The following NBAS variants were observed in gnomAD, a reference collection of about 807,000 sequenced individuals.
NBAS encodes NAG/BC035112 fusion.
NBAS carries 219 observed loss-of-function variants against 302.5 expected under a neutral mutation model. That is an observed-to-expected ratio of 0.72 (90% CI 0.65 to 0.81). The LOEUF (loss-of-function observed/expected upper bound fraction) is 0.81, where lower values mean the gene tolerates loss of function less well. Among genes scored for constraint, NBAS ranks in the 30% least tolerant of loss-of-function variants. The probability of loss-of-function intolerance (pLI) is 0.00; values close to 1 mark genes in which losing one functional copy is unlikely to be tolerated. For missense variants in NBAS, 2,932 were observed against 2,841.6 expected, an observed-to-expected ratio of 1.03 and a Z score of -0.72; for synonymous variants, 1,118 against 1,021.6, an observed-to-expected ratio of 1.09 and a Z score of -1.80.
chr2:15,075,205 G>A, the NBAS span, among the ~76,000 whole-genome samples: 1 of 152,130 alleles, frequency 6.6e-6, no homozygotes. Context: ...TGAATACTAT[G>A]GAGTATTCTT....
intron 21 of NBAS, among the ~76,000 whole-genome samples, chr2:15,434,410 A>C (rs961442577): frequency 5.3e-5 from 8 of 152,194 alleles, no homozygotes; most frequent in Non-Finnish European, 7.3e-5. Context: ...AGAACAATGA[A>C]GGATGCCTAT....
At chr2:15,173,704 C>T (rs960995019) in intron 51 of NBAS, among the ~76,000 whole-genome samples, 6 of 152,172 alleles carry the variant, frequency 3.9e-5, no homozygotes, top group African/African-American at 7.2e-5. Context: ...CATCTGCTCA[C>T]GATCTCACAA....
chr2:15,421,792 T>G (rs541818389), intron 23 of NBAS, among the ~76,000 whole-genome samples: 2 of 152,198 alleles, frequency 1.3e-5, no homozygotes, highest in Non-Finnish European at 2.9e-5. Flanking sequence ...AATTAAAGTT[T>G]CAGAAAGCTC....
At chr2:15,277,868 A>G (rs576074104) in intron 42 of NBAS, among the ~76,000 whole-genome samples, 1 of 152,250 alleles carries the variant, frequency 6.6e-6, no homozygotes, top group Non-Finnish European at 1.5e-5. Context: ...TTCTCCCTGG[A>G]CAGAATCTGG....
rs756200764 is a variant in NBAS, at chr2:15,402,240, T to C, written c.2999A>G (p.Tyr1000Cys). The change falls in exon 26 of 52, where the codon TAT (tyrosine) becomes TGT (cysteine). Residue 1000 changes from tyrosine (Y) to cysteine (C), a missense_variant. Tyr to Cys is a radical substitution (Grantham distance 194). Transcript: ENST00000281513. ...GAGTTGATCATTTCGTTCACAGGTA[T>C]AGATGCACTCTAGTGCTATTGCCAT... is the stretch of plus-strand genomic sequence containing the variant. ...QLMAIALECI[Y>C]TCERNDQLCL... The C allele has an allele frequency of 1.2e-5, 19 of 1,613,506 alleles. No individual in the cohort carries two copies. In the Admixed American group the frequency reaches 1.3e-4, roughly 11 times the overall value.
At chr2:15,209,755 G>A (rs1290142655) in intron 48 of NBAS, among the ~76,000 whole-genome samples, 1 of 152,030 alleles carries the variant, frequency 6.6e-6, no homozygotes, top group African/African-American at 2.4e-5. Context: ...AAAATAGCAG[G>A]GTAGTAGTAT....
the NBAS span, among the ~76,000 whole-genome samples, chr2:15,075,118 A>T: frequency 1.3e-5 from 2 of 152,238 alleles, no homozygotes; most frequent in Non-Finnish European, 2.9e-5. Context: ...AAATGTTCAT[A>T]GTGCCTTTTT....
chr2:15,477,138 G>C (rs1334121939), intron 13 of NBAS, among the ~76,000 whole-genome samples: 1 of 152,182 alleles, frequency 6.6e-6, no homozygotes, highest in Non-Finnish European at 1.5e-5. Context: ...TGACAAAGTA[G>C]TACTTTTCCT....
At chr2:15,440,741 G>T (rs2148512976) in intron 21 of NBAS, among the ~76,000 whole-genome samples, 1 of 152,264 alleles carries the variant, frequency 6.6e-6, no homozygotes, top group African/African-American at 2.4e-5. Context: ...CAAAGGCAAA[G>T]AATTTGAAAA....
At chr2:15,089,270 C>T in the NBAS span, among the ~76,000 whole-genome samples, 16 of 152,036 alleles carry the variant, frequency 1.1e-4, no homozygotes, top group South Asian at 8.3e-4. Context: ...CATGAGCCAC[C>T]GCACCTAGCC....
the NBAS span, among the ~76,000 whole-genome samples, chr2:15,095,267 C>T: frequency 6.6e-6 from 1 of 152,138 alleles, no homozygotes; most frequent in Non-Finnish European, 1.5e-5. Flanking sequence ...ATACCCAAGA[C>T]TGGGTAATTT....
chr2:15,360,217 T>C (rs1038407428), intron 32 of NBAS, among the ~76,000 whole-genome samples: 2 of 151,590 alleles, frequency 1.3e-5, no homozygotes, highest in African/African-American at 2.4e-5. Context: ...GCCGAGGATA[T>C]GACTGTACAC....
At chr2:14,803,414 T>C in the NBAS span, among the ~76,000 whole-genome samples, 1 of 152,210 alleles carries the variant, frequency 6.6e-6, no homozygotes, top group Non-Finnish European at 1.5e-5. Context: ...AATTTGCCTT[T>C]TGTACTCTCA....
At position 15,439,753 on chromosome 2, in the gene NBAS, C is replaced by A. The variant is rs576655195; in HGVS notation, c.2340-11959G>T. On this transcript the variant is annotated intron_variant, in intron 21 of 51. Coordinates refer to ENST00000281513, the MANE Select transcript of NBAS (RefSeq NM_015909.4). The stretch of plus-strand genomic sequence containing the variant: ...GGGTCAGGGAGTTCCCTTTCCTAGT[C>A]AAAGAAAGGGGTGACAGACAGCACC... 7.2e-5 allele frequency among the ~76,000 whole-genome samples: 11 copies of A among 152,290 alleles called. 1 individual carries two copies. The South Asian group carries it at 1.4e-3, about 20-fold the overall frequency.
the NBAS span, among the ~76,000 whole-genome samples, chr2:14,860,538 G>A: frequency 6.6e-6 from 1 of 152,124 alleles, no homozygotes; most frequent in African/African-American, 2.4e-5. Context: ...CAGCAACATG[G>A]ATTGAAATGG....
At chr2:15,087,270 CTGTT>C in the NBAS span, among the ~76,000 whole-genome samples, 1 of 151,484 alleles carries the variant, frequency 6.6e-6, no homozygotes, top group African/African-American at 2.4e-5. Flanking sequence ...CATATTGGTT[CTGTT>C]TCTCTGAAGA....
At chr2:15,378,889 T>A (rs905732533) in intron 30 of NBAS, among the ~76,000 whole-genome samples, 7 of 152,216 alleles carry the variant, frequency 4.6e-5, no homozygotes, top group African/African-American at 1.7e-4. Context: ...GATTCATTAA[T>A]ACAGAGGTGA....
the NBAS span, among the ~76,000 whole-genome samples, chr2:14,790,233 T>C: frequency 1.3e-5 from 2 of 152,212 alleles, no homozygotes; most frequent in South Asian, 2.1e-4. Flanking sequence ...CTTAGACAAA[T>C]CATTACTTTA....
the NBAS span, among the ~76,000 whole-genome samples, chr2:14,816,003 A>G: frequency 6.6e-6 from 1 of 152,188 alleles, no homozygotes; most frequent in Non-Finnish European, 1.5e-5. Flanking sequence ...CAGCTTGACA[A>G]CTGGTCTCCC....
Sources: allele counts gnomAD v4.1 joint callset (sites outside exome capture counted in the v4.1 genomes callset), GRCh38; gene constraint gnomAD v4.1.1; transcripts MANE v1.5; gene names NCBI Gene and HGNC (gene_info 2026-07-23, HGNC 2026-07-21).